The following EPS15 variants were observed in gnomAD, a reference collection of about 807,000 sequenced individuals.
EPS15 encodes epidermal growth factor receptor pathway substrate 15, also known as epidermal growth factor receptor substrate 15.
Under a neutral mutation model 113.8 loss-of-function variants are expected in EPS15, and 72 were observed. The ratio of observed to expected loss-of-function variants is 0.63; its 90% CI spans 0.52 to 0.77. EPS15 has a LOEUF of 0.77. Among genes scored for constraint, EPS15 ranks in the 30% least tolerant of loss-of-function variants. The probability of loss-of-function intolerance (pLI) is 0.00; values close to 1 mark genes in which losing one functional copy is unlikely to be tolerated. For synonymous variants in EPS15, 344 were observed against 363.4 expected, an observed-to-expected ratio of 0.95 and a Z score of 0.61; for missense variants, 1,048 against 1,045.8, an observed-to-expected ratio of 1.00 and a Z score of -0.03.
chr1:51,514,038 C>G (rs1644671702), intron 1 of EPS15, among the ~76,000 whole-genome samples: 1 of 152,124 alleles, frequency 6.6e-6, no homozygotes, highest in South Asian at 2.1e-4. Context: ...AACCATGCTA[C>G]TATAAAATTT....
In EPS15 at chr1:51,389,758, G is replaced by C. The variant is rs924554525; in HGVS notation, c.2119+4623C>G. ...AAATACCTAGGAATCCAACTTACAA[G>C]GGACATGAGGGACCTCTTCAAGGAG... On this transcript the variant is annotated intron_variant, in intron 21 of 24. Coordinates refer to ENST00000371733, the MANE Select transcript of EPS15 (RefSeq NM_001981.3). Among the ~76,000 whole-genome samples the C allele has an allele frequency of 5.9e-5, 9 of 152,316 alleles. No individual in the cohort carries two copies. In the East Asian group the frequency reaches 1.5e-3, roughly 26 times the overall value.
chr1:51,508,334 A>AAGAGAG (rs150953806), intron 1 of EPS15, among the ~76,000 whole-genome samples: 1 of 114,218 alleles, frequency 8.8e-6, no homozygotes, highest in African/African-American at 3.6e-5. Flanking sequence ...GAGAAAGAGA[A>AAGAGAG]AGAGAGAAAG....
At chr1:51,518,415 G>T (rs1479917979) in intron 1 of EPS15, 1 of 152,444 alleles carries the variant, frequency 6.6e-6, no homozygotes, top group Non-Finnish European at 1.5e-5. Flanking sequence ...CACCACACCC[G>T]TTAAAGGGAT....
Position 51,354,422 on chromosome 1 carries a change from GGGATT to G in EPS15, c.*2273_*2277del, listed in dbSNP as rs1646172403. The G allele has an allele frequency of 5.6e-6, 1 of 180,126 alleles. No homozygotes were observed. Among genetic ancestry groups the G allele is most frequent in the African/African-American group, 2.4e-5 (1 of 42,306 alleles). The allele number at this position is 180,126 out of a possible 1,614,324, so 11.2% of individuals were successfully genotyped here. A position where few individuals can be genotyped will look rare whatever the true frequency, so the allele number is the denominator to read the frequency against. On this transcript the variant is annotated 3_prime_UTR_variant, in exon 25 of 25. Coordinates refer to ENST00000371733, the MANE Select transcript of EPS15 (RefSeq NM_001981.3). ...TCAATTGCAAATTGGATATATGGATGGGATTCTTTATTATTACTTAAAGTTTACTG... is the reference window on the plus strand; with the variant it reads ...TCAATTGCAAATTGGATATATGGATGCTTTATTATTACTTAAAGTTTACTG...
chr1:51,368,998 T>C (rs1646577451), intron 21 of EPS15, among the ~76,000 whole-genome samples: 1 of 152,206 alleles, frequency 6.6e-6, no homozygotes, highest in South Asian at 2.1e-4. Flanking sequence ...TCATTTCACT[T>C]GTGGGACTGA....
At chr1:51,443,965 A>G (rs1570317684) in intron 11 of EPS15, among the ~76,000 whole-genome samples, 1 of 152,150 alleles carries the variant, frequency 6.6e-6, no homozygotes, top group Admixed American at 6.6e-5. Flanking sequence ...GGTTTTTATT[A>G]ATCTTTTTAA....
At chr1:51,491,019 T>C (rs1474015121) in intron 1 of EPS15, among the ~76,000 whole-genome samples, 1 of 152,182 alleles carries the variant, frequency 6.6e-6, no homozygotes, top group Non-Finnish European at 1.5e-5. Flanking sequence ...AAGGCAGTAT[T>C]GAAGACCAAT....
At chr1:51,494,705 TCTCTCC>T in intron 1 of EPS15, among the ~76,000 whole-genome samples, 1 of 152,364 alleles carries the variant, frequency 6.6e-6, no homozygotes, top group East Asian at 1.9e-4. Flanking sequence ...GTTCCAGGCC[TCTCTCC>T]TACTCTTGGT....
chr1:51,416,865 T>C (rs1650270027), intron 13 of EPS15, among the ~76,000 whole-genome samples: 1 of 150,518 alleles, frequency 6.6e-6, no homozygotes, highest in African/African-American at 2.4e-5. Flanking sequence ...TATATAATTA[T>C]TTATTTTTAA....
intron 21 of EPS15, among the ~76,000 whole-genome samples, chr1:51,393,616 G>A (rs935816071): frequency 7.9e-5 from 12 of 152,106 alleles, no homozygotes; most frequent in African/African-American, 1.7e-4. Flanking sequence ...AAAATAAAGC[G>A]ATCTATTTTC....
At chr1:51,440,738 A>G (rs1282653940) in intron 11 of EPS15, among the ~76,000 whole-genome samples, 2 of 151,996 alleles carry the variant, frequency 1.3e-5, no homozygotes, top group Admixed American at 1.3e-4. Context: ...CCTTGCAGTA[A>G]AAGAGATGCC....
At chr1:51,438,599 G>T (rs1279191372) in intron 12 of EPS15, among the ~76,000 whole-genome samples, 1 of 152,058 alleles carries the variant, frequency 6.6e-6, no homozygotes, top group Non-Finnish European at 1.5e-5. Context: ...CAGATGATAA[G>T]TATTTTCAAA....
In EPS15 at chr1:51,361,276, A is replaced by G; in HGVS notation, c.2439T>C (p.Asp813=). 1 of 1,613,846 alleles carries G rather than the reference A, an allele frequency of 6.2e-7. No individual in the cohort carries two copies. The highest frequency in any genetic ancestry group is 8.5e-7 in the Non-Finnish European group (1 of 1,179,756). ...NDPFQPFPGN[D]SPKEKDPEIF... ...TTTCAGGATCTTTTTCTTTGGGGCT[A>G]TCGTTGCCTGGGAAAGGCTGAAATG... Residue 813 remains aspartate (D), a synonymous_variant, in exon 24 of 25, where the codon GAT becomes GAC. Coordinates refer to ENST00000371733, the MANE Select transcript of EPS15 (RefSeq NM_001981.3).
chr1:51,360,821 G>A (rs2148343533), intron 24 of EPS15, among the ~76,000 whole-genome samples: 1 of 152,136 alleles, frequency 6.6e-6, no homozygotes, highest in African/African-American at 2.4e-5. Context: ...CATCTAGTGG[G>A]CAGAGAGCAA....
intron 1 of EPS15, among the ~76,000 whole-genome samples, chr1:51,486,900 C>G (rs548135027): frequency 6.6e-6 from 1 of 152,126 alleles, no homozygotes; most frequent in Non-Finnish European, 1.5e-5. Context: ...GAACTCCTGA[C>G]CTCAGGTGAT....
chr1:51,454,885 G>A (rs1653861350), intron 8 of EPS15, among the ~76,000 whole-genome samples: 1 of 151,234 alleles, frequency 6.6e-6, no homozygotes, highest in South Asian at 2.1e-4. Flanking sequence ...TGTGCTCTCT[G>A]CAACTTTTCT....
At chr1:51,406,524 T>C (rs564133616) in intron 15 of EPS15, among the ~76,000 whole-genome samples, 17 of 152,300 alleles carry the variant, frequency 1.1e-4, no homozygotes, top group African/African-American at 4.1e-4. Flanking sequence ...TAGGATACAT[T>C]TGCTTCCTTT....
chr1:51,396,352 G>T (rs1217104115), intron 20 of EPS15, among the ~76,000 whole-genome samples: 4 of 151,852 alleles, frequency 2.6e-5, no homozygotes, highest in South Asian at 4.2e-4. Flanking sequence ...TGGATGTTGG[G>T]TTTTTTTTCA....
intron 12 of EPS15, among the ~76,000 whole-genome samples, chr1:51,427,607 A>G (rs1651339388): frequency 6.6e-6 from 1 of 152,216 alleles, no homozygotes; most frequent in African/African-American, 2.4e-5. Context: ...CCTCCTTGGT[A>G]TCACTGAAGG....
Sources: gnomAD v4.1 joint callset for allele counts (sites outside exome capture counted in the v4.1 genomes callset) on GRCh38, gnomAD v4.1.1 for gene constraint, MANE v1.5 for transcripts, NCBI Gene and HGNC (gene_info 2026-07-23, HGNC 2026-07-21) for gene names.